The following PDE1C variants were observed in gnomAD, a reference collection of about 807,000 sequenced individuals.
The protein encoded by PDE1C is dual specificity calcium/calmodulin-dependent 3',5'-cyclic nucleotide phosphodiesterase 1C.
In PDE1C, 62 loss-of-function variants were observed where a neutral mutation model predicts 93.1. That is an observed-to-expected ratio of 0.67 (90% CI 0.54 to 0.82). PDE1C has a LOEUF of 0.82. Among genes scored for constraint, PDE1C ranks in the 40% least tolerant of loss-of-function variants. The probability of loss-of-function intolerance (pLI) is 0.00; values close to 1 mark genes in which losing one functional copy is unlikely to be tolerated. For synonymous variants in PDE1C, 325 were observed against 310.1 expected, an observed-to-expected ratio of 1.05 and a Z score of -0.50; for missense variants, 742 against 884.6, an observed-to-expected ratio of 0.84 and a Z score of 2.04.
chr7:32,023,426 T>C (rs546432468), intron 2 of PDE1C, among the ~76,000 whole-genome samples: 4 of 152,228 alleles, frequency 2.6e-5, no homozygotes, highest in Non-Finnish European at 4.4e-5. Context: ...AAATGAATTT[T>C]AAGACATACA....
chr7:32,345,596 A>G lies in PDE1C; in HGVS notation c.310+82226T>C, dbSNP rs564172372. Among the ~76,000 whole-genome samples the G allele has an allele frequency of 2.6e-5, 4 of 152,338 alleles. No individual in the cohort carries two copies. The East Asian group carries it at 7.7e-4, about 29-fold the overall frequency. On this transcript the variant is annotated intron_variant, in intron 1 of 1. Coordinates refer to the PDE1C transcript ENST00000672256. ...TATCCTGGGAGAAAATATTTGCAAA[A>G]TGTAACTGAAATGACTTGTATTCAG...
chr7:31,665,316 T>C, the PDE1C span, among the ~76,000 whole-genome samples: 1 of 152,208 alleles, frequency 6.6e-6, no homozygotes, highest in African/African-American at 2.4e-5. Flanking sequence ...CACACATCTC[T>C]GCACAGTCTA....
intron 11 of PDE1C, among the ~76,000 whole-genome samples, chr7:31,830,694 G>A (rs1165928541): frequency 6.6e-6 from 1 of 151,912 alleles, no homozygotes; most frequent in Non-Finnish European, 1.5e-5. Flanking sequence ...TAGAATCACT[G>A]CCAGTTAGTG....
intron 1 of PDE1C, among the ~76,000 whole-genome samples, chr7:32,250,609 T>G (rs1029591959): frequency 6.6e-6 from 1 of 152,152 alleles, no homozygotes; most frequent in African/African-American, 2.4e-5. Context: ...GTGAGGACTA[T>G]AAATAAAATG....
chr7:31,828,340 A>G lies in PDE1C; in HGVS notation c.1237T>C (p.Ser413Pro), dbSNP rs1789951508. The change falls in exon 12 of 18, where the codon TCT (serine) becomes CCT (proline). Residue 413 changes from serine to proline, a missense_variant. By Grantham distance (74) the Ser-to-Pro change is moderately conservative (BLOSUM62 -1). Around this residue, in one of 4 missense-constraint regions of PDE1C, gnomAD observed 454 missense variants for 459.4 expected, o/e 0.99. Transcript: ENST00000396191. Reference sequence around the variant, plus strand: ...GTGGACTTTCGGTCACACAGAGGAGAAAAAGGCAGCCCCAGCTCTGCTTCT... The same window carrying G: ...GTGGACTTTCGGTCACACAGAGGAGGAAAAGGCAGCCCCAGCTCTGCTTCT... Reference protein sequence around the residue: ...DREAELGLPFSPLCDRKSTMV... With the variant: ...DREAELGLPFPPLCDRKSTMV... The G allele has an allele frequency of 2.5e-6, 4 of 1,610,734 alleles. No homozygotes were observed. In the South Asian group the frequency reaches 4.4e-5, roughly 18 times the overall value.
At chr7:32,056,396 C>CACACAG in intron 1 of PDE1C, among the ~76,000 whole-genome samples, 1 of 151,828 alleles carries the variant, frequency 6.6e-6, no homozygotes, top group East Asian at 1.9e-4. Context: ...CACACACACA[C>CACACAG]ACACACACAG....
intron 17 of PDE1C, among the ~76,000 whole-genome samples, chr7:31,755,530 A>C (rs976906408): frequency 9.9e-5 from 15 of 151,990 alleles, no homozygotes; most frequent in Admixed American, 4.6e-4. Context: ...ATATACAAGA[A>C]GTACCTGAAG....
chr7:31,639,093 T>A, the PDE1C span, among the ~76,000 whole-genome samples: 1 of 152,132 alleles, frequency 6.6e-6, no homozygotes, highest in Non-Finnish European at 1.5e-5. Flanking sequence ...TTGATTTTCA[T>A]GTGCCTTGGT....
At chr7:32,318,454 C>T (rs1268331318) in intron 1 of PDE1C, among the ~76,000 whole-genome samples, 1 of 152,200 alleles carries the variant, frequency 6.6e-6, no homozygotes, top group Non-Finnish European at 1.5e-5. Flanking sequence ...TCTCCCTCCG[C>T]CGCGGTCTAC....
At chr7:31,671,936 A>G in the PDE1C span, among the ~76,000 whole-genome samples, 1 of 152,284 alleles carries the variant, frequency 6.6e-6, no homozygotes, top group Middle Eastern at 3.4e-3. Flanking sequence ...GGTCTTTTGT[A>G]CTTGTGTGAT....
Position 32,013,151 on chromosome 7 carries a change from T to C in PDE1C, c.128+38403A>G, listed in dbSNP as rs114745684. ...TAGTGTTAATATACACGAGCTCTGA[T>C]AAGGTAAAGAGTGCACTGGAAGAAA... On this transcript the variant is annotated intron_variant, in intron 2 of 17. Transcript: ENST00000396191. Among the ~76,000 whole-genome samples, 732 of 152,308 alleles carry C rather than the reference T, an allele frequency of 4.8e-3. 7 individuals are homozygous for C. Among genetic ancestry groups the C allele is most frequent in the African/African-American group, 0.017 (686 of 41,570 alleles).
intron 13 of PDE1C, 30 bp downstream of exon 13, chr7:31,824,837 C>T: frequency 6.2e-7 from 1 of 1,610,276 alleles, no homozygotes; most frequent in South Asian, 1.1e-5. Context: ...AGGCCAACCT[C>T]ACCCTCAGCC....
At chr7:31,895,800 C>G (rs899939170) in intron 2 of PDE1C, among the ~76,000 whole-genome samples, 1 of 152,086 alleles carries the variant, frequency 6.6e-6, no homozygotes, top group African/African-American at 2.4e-5. Flanking sequence ...AAGAGCAGTT[C>G]CCCTGCACAT....
Position 31,889,986 on chromosome 7 carries a change from AT to A in PDE1C, c.129-9127del, listed in dbSNP as rs140119538. Among the ~76,000 whole-genome samples, 5 of 151,612 alleles carry A rather than the reference AT, an allele frequency of 3.3e-5. No individual in the cohort carries two copies. The East Asian group carries it at 5.8e-4, about 18-fold the overall frequency. ...ACATTTTGTTAAAAGGACATAGCGG[AT>A]TTTTTTTTAGAGTAAGATTCCAAAT... On this transcript the variant is annotated intron_variant, in intron 2 of 17. Coordinates refer to ENST00000396191, the MANE Select transcript of PDE1C (RefSeq NM_001191057.4).
chr7:32,067,057 C>T (rs569969903), intron 1 of PDE1C, among the ~76,000 whole-genome samples: 1 of 152,324 alleles, frequency 6.6e-6, no homozygotes, highest in East Asian at 1.9e-4. Context: ...GTGTGCAGAA[C>T]CTCGCTCAAG....
At chr7:31,985,206 A>G (rs1311224577) in intron 2 of PDE1C, among the ~76,000 whole-genome samples, 1 of 152,084 alleles carries the variant, frequency 6.6e-6, no homozygotes, top group Non-Finnish European at 1.5e-5. Context: ...AGACCAGATC[A>G]TCATAGGGAA....
chr7:31,658,331 C>T, the PDE1C span: 5 of 1,519,972 alleles, frequency 3.3e-6, no homozygotes, highest in East Asian at 7.4e-5. Flanking sequence ...AATAACTCTG[C>T]TAAAGATGAA....
At chr7:31,850,217 C>A (rs533583727) in intron 8 of PDE1C, among the ~76,000 whole-genome samples, 2 of 152,168 alleles carry the variant, frequency 1.3e-5, no homozygotes, top group African/African-American at 4.8e-5. Context: ...TCATCAGAAT[C>A]TCAGAGATCA....
At chr7:32,001,669 G>A (rs1485987496) in intron 2 of PDE1C, among the ~76,000 whole-genome samples, 3 of 151,988 alleles carry the variant, frequency 2.0e-5, no homozygotes, top group East Asian at 1.9e-4. Context: ...TGCAGATGAC[G>A]AAAAAGGTGT....
Sources: gnomAD v4.1 joint callset for allele counts (sites outside exome capture counted in the v4.1 genomes callset) on GRCh38, gnomAD v4.1.1 for gene constraint, gnomAD v4.1.1 regional missense constraint, MANE v1.5 for transcripts, NCBI Gene and HGNC (gene_info 2026-07-23, HGNC 2026-07-21) for gene names.